Variants in COPS4 observed in about 807,000 individuals in gnomAD.
COPS4 encodes COP9 signalosome subunit 4.
COPS4 carries 8 observed loss-of-function variants against 55.1 expected under a neutral mutation model. The ratio of observed to expected loss-of-function variants is 0.15; its 90% CI spans 0.09 to 0.26. The LOEUF (loss-of-function observed/expected upper bound fraction) is 0.26. COPS4 is among the 10% of genes least tolerant of loss of function. COPS4 has a pLI of 1.00. For missense variants in COPS4, 248 were observed against 484.0 expected (o/e 0.51, Z 4.58); for synonymous variants, 185 against 165.7 (o/e 1.12, Z -0.90).
chr4:83,057,182 TTC>T, intron 5 of COPS4, 74 bp from the exon 6 acceptor site: 1 of 1,510,340 alleles, frequency 6.6e-7, no homozygotes, highest in Non-Finnish European at 9.0e-7. Context: ...TAGAAATTGT[TTC>T]TCTGTTTTGT....
At chr4:83,036,425 G>A (rs544831951) in intron 1 of COPS4, among the ~76,000 whole-genome samples, 3 of 152,112 alleles carry the variant, frequency 2.0e-5, no homozygotes, top group African/African-American at 4.8e-5. Flanking sequence ...TTTTAAGTAG[G>A]CTAGGCTGCC....
intron 7 of COPS4, among the ~76,000 whole-genome samples, chr4:83,063,533 G>A (rs540136199): frequency 2.0e-5 from 3 of 150,312 alleles, no homozygotes; most frequent in African/African-American, 7.4e-5. Context: ...TCAGCCTCCC[G>A]AGTAGCTGGG....
rs763376515 is a variant in COPS4 at position 83,061,232 on chromosome 4, C to T, written c.716-1844C>T. Reference sequence around the variant, plus strand: ...GTATGATATGTACACAGGAAAAGTACACATGAAAAGTATACAGCTTGATGA... The same window carrying T: ...GTATGATATGTACACAGGAAAAGTATACATGAAAAGTATACAGCTTGATGA... On this transcript the variant is annotated intron_variant, in intron 6 of 9. Coordinates refer to ENST00000264389, the MANE Select transcript of COPS4 (RefSeq NM_016129.3). Among the ~76,000 whole-genome samples, 9 of 151,836 alleles carry T rather than the reference C, an allele frequency of 5.9e-5. No individual in the cohort carries two copies. The Middle Eastern group carries it at 0.01, about 172-fold the overall frequency.
At chr4:83,067,283 C>G (rs995770341) in intron 8 of COPS4, among the ~76,000 whole-genome samples, 17 of 151,712 alleles carry the variant, frequency 1.1e-4, no homozygotes, top group Non-Finnish European at 1.9e-4. Flanking sequence ...GCTCTGTTGC[C>G]CAGGCTGGAG....
intron 1 of COPS4, among the ~76,000 whole-genome samples, chr4:83,043,798 A>G (rs1000901046): frequency 6.6e-6 from 1 of 152,188 alleles, no homozygotes; most frequent in African/African-American, 2.4e-5. Flanking sequence ...AAACTTAGCA[A>G]TATTGAAAAT....
At chr4:83,059,720 G>A (rs956421709) in intron 6 of COPS4, among the ~76,000 whole-genome samples, 13 of 150,388 alleles carry the variant, frequency 8.6e-5, no homozygotes, top group Non-Finnish European at 1.9e-4. Flanking sequence ...TTTTTGAAAC[G>A]GAGTCTCACT....
At chr4:83,053,305 C>T (rs114962097) in intron 4 of COPS4, among the ~76,000 whole-genome samples, 203 of 152,240 alleles carry the variant, frequency 1.3e-3, no homozygotes, top group African/African-American at 4.6e-3. Flanking sequence ...ACCACAGTTG[C>T]AATTTTTGCC....
intron 7 of COPS4, among the ~76,000 whole-genome samples, chr4:83,063,942 C>T (rs535092751): frequency 1.2e-4 from 18 of 152,142 alleles, no homozygotes; most frequent in Non-Finnish European, 2.2e-4. Flanking sequence ...TCAGGTGATT[C>T]GCCCCCCTCA....
At chr4:83,035,598 C>G (rs530511539) in intron 1 of COPS4, 1 of 271,602 alleles carries the variant, frequency 3.7e-6, no homozygotes, top group Admixed American at 4.3e-5. Flanking sequence ...GACTGCTACC[C>G]TGGCCTTAGT....
chr4:83,071,741 C>T (rs1363154822), intron 9 of COPS4, among the ~76,000 whole-genome samples: 1 of 150,792 alleles, frequency 6.6e-6, no homozygotes, highest in African/African-American at 2.4e-5. Context: ...AGATGGGAGT[C>T]TTGCTCTGTT....
intron 1 of COPS4, among the ~76,000 whole-genome samples, chr4:83,041,030 A>G (rs1410168873): frequency 6.7e-6 from 1 of 149,598 alleles, no homozygotes; most frequent in African/African-American, 2.4e-5. Flanking sequence ...TAGTAATAAA[A>G]CTTATTTTCC....
chr4:83,071,097 C>T (rs1288488341), intron 9 of COPS4, among the ~76,000 whole-genome samples: 2 of 152,156 alleles, frequency 1.3e-5, no homozygotes, highest in East Asian at 1.9e-4. Flanking sequence ...TATATATTCT[C>T]ATGTCAGCCT....
At position 83,045,591 on chromosome 4, in the gene COPS4, C is replaced by T. The variant is rs765617130; in HGVS notation, c.75-35C>T. Reference sequence around the variant, plus strand: ...AAGTTTGCATTAGAAAATATAGTACCCTCAGAACATTATTTTCATTTGGTA... The same window carrying T: ...AAGTTTGCATTAGAAAATATAGTACTCTCAGAACATTATTTTCATTTGGTA... On this transcript the variant is annotated intron_variant, in intron 1 of 9. Transcript: ENST00000264389. The T allele has an allele frequency of 4.0e-6, 6 of 1,494,728 alleles. No individual in the cohort carries two copies. In the East Asian group the frequency reaches 1.1e-4, roughly 28 times the overall value. 92.6% of individuals were successfully genotyped at this position (1,494,728 alleles called of 1,614,324 possible).
chr4:83,045,703 C>G lies in COPS4; in HGVS notation c.152C>G (p.Ala51Gly). 5 of 1,609,404 alleles carry G rather than the reference C, an allele frequency of 3.1e-6. No individual in the cohort carries two copies. Among genetic ancestry groups the G allele is most frequent in the Non-Finnish European group, 4.2e-6 (5 of 1,176,734 alleles). ...QLEALKAFVE[A>G]MVNENVSLVI... ...GAAGCTTTGAAAGCTTTTGTGGAAGCAAGTAAGTGAAATGGAAATTTCATG... is the reference window on the plus strand; with the variant it reads ...GAAGCTTTGAAAGCTTTTGTGGAAGGAAGTAAGTGAAATGGAAATTTCATG... Residue 51 changes from alanine (A) to glycine (G), a missense_variant and splice_region_variant, in exon 2 of 10, where the codon GCA (alanine) becomes GGA (glycine). Around this residue, in one of 4 missense-constraint regions of COPS4, gnomAD observed 55 missense variants for 62.8 expected, o/e 0.88. Transcript: ENST00000264389.
chr4:83,047,391 A>G (rs572332412), intron 2 of COPS4, among the ~76,000 whole-genome samples: 1 of 151,594 alleles, frequency 6.6e-6, no homozygotes, highest in Non-Finnish European at 1.5e-5. Flanking sequence ...TCGTCTCTAC[A>G]AAAAAATACG....
chr4:83,070,906 T>A (rs1460515295), intron 9 of COPS4, among the ~76,000 whole-genome samples: 3 of 152,242 alleles, frequency 2.0e-5, no homozygotes, highest in Admixed American at 2.0e-4. Flanking sequence ...TGGTCCTTTC[T>A]AGCTTTCTCT....
intron 4 of COPS4, among the ~76,000 whole-genome samples, chr4:83,055,273 T>A (rs1730985897): frequency 1.3e-5 from 2 of 152,166 alleles, no homozygotes; most frequent in African/African-American, 4.8e-5. Context: ...ACCACTGAGA[T>A]GAAGAAGAAA....
chr4:83,048,451 GTTTTC>G (rs1358922873), intron 2 of COPS4, among the ~76,000 whole-genome samples: 1 of 152,054 alleles, frequency 6.6e-6, no homozygotes, highest in Non-Finnish European at 1.5e-5. Flanking sequence ...TTATTTTACT[GTTTTC>G]TTTTTTAACT....
intron 1 of COPS4, among the ~76,000 whole-genome samples, chr4:83,040,532 T>C (rs1306547462): frequency 3.3e-5 from 5 of 152,200 alleles, no homozygotes; most frequent in African/African-American, 1.2e-4. Flanking sequence ...GCTCTATTAG[T>C]CTGCCAGAAA....
Sources: gnomAD v4.1 joint callset for allele counts (sites outside exome capture counted in the v4.1 genomes callset) on GRCh38, gnomAD v4.1.1 for gene constraint, gnomAD v4.1.1 regional missense constraint, MANE v1.5 for transcripts, NCBI Gene and HGNC (gene_info 2026-07-23, HGNC 2026-07-21) for gene names.